The following DDX60L variants were observed in gnomAD, a reference collection of about 807,000 sequenced individuals.
The protein encoded by DDX60L is probable ATP-dependent RNA helicase DDX60-like.
In DDX60L, 191 loss-of-function variants were observed where a neutral mutation model predicts 211.6. That is an observed-to-expected ratio of 0.90 (90% CI 0.80 to 1.02). The LOEUF (loss-of-function observed/expected upper bound fraction) is 1.02, where lower values mean the gene tolerates loss of function less well. DDX60L is among the 50% of genes least tolerant of loss of function. The probability of loss-of-function intolerance (pLI) is 0.00; values close to 1 mark genes in which losing one functional copy is unlikely to be tolerated. For synonymous variants in DDX60L, 706 were observed against 694.1 expected (o/e 1.02, Z -0.27); for missense variants, 2,007 against 1,984.1 (o/e 1.01, Z -0.22).
intron 14 of DDX60L, 35 bp from the exon 15 acceptor site, chr4:168,423,809 C>T (rs1225102644): frequency 4.3e-6 from 6 of 1,389,740 alleles, no homozygotes; most frequent in East Asian, 4.9e-5. Context: ...TTATAAAGAA[C>T]ACCAAAAATA....
intron 4 of DDX60L, among the ~76,000 whole-genome samples, chr4:168,468,027 C>A (rs1322694616): frequency 3.9e-5 from 6 of 152,174 alleles, no homozygotes; most frequent in Non-Finnish European, 8.8e-5. Context: ...ATCAGCCAGG[C>A]ATGGTGGCGC....
intron 7 of DDX60L, among the ~76,000 whole-genome samples, chr4:168,455,715 TTC>T (rs1269053956): frequency 7.2e-5 from 11 of 152,144 alleles, no homozygotes; most frequent in African/African-American, 2.7e-4. Context: ...CCTCCTCACT[TTC>T]TCTGTTTTTT....
chr4:168,380,035 G>T (rs750559554), intron 30 of DDX60L: 2 of 443,704 alleles, frequency 4.5e-6, no homozygotes, highest in African/African-American at 2.0e-5. Context: ...ATATAAAGCA[G>T]AACTGTTATA....
chr4:168,427,193 A>G lies in DDX60L; in HGVS notation c.1807T>C (p.Ser603Pro). ...TAATCTTCCAATTTCCTTATTCCAG[A>G]ATGTAAATTGTTCTTCATCTCCTCT... ...IEEEMKNNLH[S>P]GIRKLEDYLT... Residue 603 changes from serine to proline, a missense_variant, in exon 14 of 38, where the codon TCT becomes CCT. Transcript: ENST00000682922. 1 of 1,613,128 alleles carries G rather than the reference A, an allele frequency of 6.2e-7. No individual in the cohort carries two copies. The highest frequency in any genetic ancestry group is 8.5e-7 in the Non-Finnish European group (1 of 1,179,386).
At chr4:168,400,641 C>T (rs1746632429) in intron 26 of DDX60L, among the ~76,000 whole-genome samples, 185 bp downstream of exon 26, 1 of 152,092 alleles carries the variant, frequency 6.6e-6, no homozygotes, top group African/African-American at 2.4e-5. Context: ...AAATGAAATC[C>T]ATCTACATGT....
chr4:168,445,730 CAAATCAAT>C (rs1291315047), intron 9 of DDX60L, among the ~76,000 whole-genome samples: 1 of 150,534 alleles, frequency 6.6e-6, no homozygotes, highest in East Asian at 2.0e-4. Context: ...TCAATATACA[CAAATCAAT>C]AAATGTAATC....
intron 3 of DDX60L, 61 bp downstream of exon 3, chr4:168,472,394 G>T: frequency 2.4e-6 from 3 of 1,246,888 alleles, no homozygotes; most frequent in Non-Finnish European, 3.4e-6. Context: ...GGTTAAGAGG[G>T]ATGTGGAAAC....
intron 29 of DDX60L, 148 bp downstream of exon 29, chr4:168,391,392 A>G (rs1458341091): frequency 1.3e-5 from 8 of 600,252 alleles, no homozygotes; most frequent in Non-Finnish European, 2.4e-5. Flanking sequence ...GCAACAAGAT[A>G]TGAGGCCACT....
chr4:168,407,130 G>A (rs1412600248), intron 22 of DDX60L, among the ~76,000 whole-genome samples: 1 of 152,102 alleles, frequency 6.6e-6, no homozygotes, highest in Admixed American at 6.6e-5. Context: ...TGTGTTTAGT[G>A]ATGAAGATGA....
intron 33 of DDX60L, among the ~76,000 whole-genome samples, chr4:168,376,544 T>G (rs1253065293): frequency 6.6e-6 from 1 of 152,194 alleles, no homozygotes; most frequent in East Asian, 1.9e-4. Context: ...TTACAGTGGA[T>G]AGTATGACAA....
At chr4:168,377,837 G>T (rs1415034310) in intron 33 of DDX60L, 1 of 151,986 alleles carries the variant, frequency 6.6e-6, no homozygotes, top group Non-Finnish European at 1.5e-5. Flanking sequence ...TTATTTTGTT[G>T]TTGTGTCTTT....
chr4:168,455,272 T>TTGTGTGTGTGTGTG (rs34353821), intron 7 of DDX60L, among the ~76,000 whole-genome samples: 36,785 of 143,860 alleles, frequency 0.26, 5,577 homozygotes, highest in African/African-American at 0.42. Flanking sequence ...CATACAAACT[T>TTGTGTGTGTGTGTG]TGTGTGTGTG....
At chr4:168,396,224 C>T (rs778429878) in intron 26 of DDX60L, 100 bp from the exon 27 acceptor site, 5 of 669,300 alleles carry the variant, frequency 7.5e-6, no homozygotes, top group Admixed American at 3.4e-5. Context: ...GGTCATCCGA[C>T]GTTGACAGTA....
Position 168,423,734 on chromosome 4 carries a change from C to A in DDX60L, c.1971G>T (p.Met657Ile). The change falls in exon 15 of 38, where the codon ATG (methionine) becomes ATT (isoleucine). Residue 657 changes from methionine (M) to isoleucine (I), a missense_variant. Coordinates refer to ENST00000682922, the MANE Select transcript of DDX60L (RefSeq NM_001012967.3). ...SKDLSIAVQMMKRIHSLLERY... is the reference protein window; with the variant it reads ...SKDLSIAVQMIKRIHSLLERY... ...TCTCCAGGAGTGAATGAATCCTTTT[C>A]ATCATTTGAACAGCTATACTTAAAT... The A allele has an allele frequency of 6.2e-7, 1 of 1,603,564 alleles. No homozygotes were observed.
chr4:168,441,539 C>A, intron 9 of DDX60L, 47 bp from the exon 10 acceptor site: 1 of 1,413,454 alleles, frequency 7.1e-7, no homozygotes, highest in South Asian at 1.3e-5. Context: ...CATACACATG[C>A]AGACACACAC....
chr4:168,428,183 T>C (rs1041695731), intron 13 of DDX60L, among the ~76,000 whole-genome samples: 2 of 152,214 alleles, frequency 1.3e-5, no homozygotes, highest in Non-Finnish European at 2.9e-5. Context: ...CAGCCCCACC[T>C]GGCCACCCTC....
intron 19 of DDX60L, among the ~76,000 whole-genome samples, chr4:168,417,719 C>T (rs1042746490): frequency 6.6e-6 from 1 of 152,164 alleles, no homozygotes; most frequent in African/African-American, 2.4e-5. Flanking sequence ...AGAGTAGGTA[C>T]TCAATTAATA....
chr4:168,436,047 C>G (rs960678961), intron 10 of DDX60L, among the ~76,000 whole-genome samples: 10 of 152,180 alleles, frequency 6.6e-5, no homozygotes, highest in African/African-American at 9.7e-5. Flanking sequence ...GTTGTTGCAT[C>G]TGGCCCCTCC....
chr4:168,464,277 A>T (rs1439065138), intron 4 of DDX60L, among the ~76,000 whole-genome samples: 1 of 152,194 alleles, frequency 6.6e-6, no homozygotes, highest in Non-Finnish European at 1.5e-5. Flanking sequence ...CGTCAAAACA[A>T]GTCCCAATAG....
Sources: allele counts gnomAD v4.1 joint callset (sites outside exome capture counted in the v4.1 genomes callset), GRCh38; gene constraint gnomAD v4.1.1; transcripts MANE v1.5; gene names NCBI Gene and HGNC (gene_info 2026-07-23, HGNC 2026-07-21).